Variants in PCDHA13 observed in about 807,000 individuals in gnomAD.
PCDHA13 encodes the protein protocadherin alpha 13.
Under a neutral mutation model 64.8 loss-of-function variants are expected in PCDHA13, and 54 were observed. The ratio of observed to expected loss-of-function variants is 0.83; its 90% CI spans 0.67 to 1.04. PCDHA13 has a LOEUF of 1.04. Ranked by LOEUF, PCDHA13 falls within the 50% of genes least tolerant of loss-of-function variation. The pLI is 0.00. For synonymous variants in PCDHA13, 587 were observed against 564.4 expected (o/e 1.04, Z -0.57); for missense variants, 1,248 against 1,254.3 (o/e 0.99, Z 0.08).
chr5:140,968,081 G>A, intron 1 of PCDHA13: 2 of 1,614,120 alleles, frequency 1.2e-6, no homozygotes, highest in Non-Finnish European at 1.7e-6. Context: ...CAACATCACG[G>A]TGACAGCCAC....
rs1398092888 is a variant in PCDHA13, at chr5:140,883,969, G to T, written c.1701G>T (p.Thr567=). ...ACGACAACGCTCCGGCGCTGCTGAC[G>T]CCCGGGGCTGGCAGCGCGGGAGGCA... The part of the protein sequence containing the change: ...DENDNAPALL[T]PGAGSAGGTV... Residue 567 remains threonine, a synonymous_variant, in exon 1 of 4, where the codon ACG becomes ACT. Transcript: ENST00000289272. The T allele has an allele frequency of 5.6e-6, 9 of 1,612,844 alleles. No homozygotes were observed. Among genetic ancestry groups the T allele is most frequent in the Non-Finnish European group, 7.6e-6 (9 of 1,179,698 alleles).
chr5:140,926,742 C>G (rs1454782151), intron 1 of PCDHA13: 2 of 1,199,338 alleles, frequency 1.7e-6, no homozygotes, highest in East Asian at 5.8e-5. Context: ...GGAGGCGCAA[C>G]GTCGGCGGTC....
At chr5:140,971,807 T>C in intron 1 of PCDHA13, among the ~76,000 whole-genome samples, 1 of 152,270 alleles carries the variant, frequency 6.6e-6, no homozygotes, top group Middle Eastern at 3.4e-3. Context: ...TATTATAATA[T>C]TGAATACATA....
chr5:140,952,582 G>A (rs552541968), intron 1 of PCDHA13, among the ~76,000 whole-genome samples: 4 of 152,220 alleles, frequency 2.6e-5, no homozygotes, highest in East Asian at 3.9e-4. Context: ...AATCATTCAA[G>A]TAGTCTCTAG....
chr5:140,934,001 T>A (rs2089559391), intron 1 of PCDHA13, among the ~76,000 whole-genome samples: 1 of 152,066 alleles, frequency 6.6e-6, no homozygotes, highest in Admixed American at 6.6e-5. Context: ...TCACCTCTCA[T>A]TTTTCTTGAC....
In PCDHA13 at chr5:140,883,978, T is replaced by G; in HGVS notation, c.1710T>G (p.Ala570=). The stretch of plus-strand genomic sequence containing the variant: ...CTCCGGCGCTGCTGACGCCCGGGGC[T>G]GGCAGCGCGGGAGGCACAGTGAGCG... ...DNAPALLTPG[A]GSAGGTVSEL... The change falls in exon 1 of 4, where the codon GCT becomes GCG. Residue 570 remains alanine (A), a synonymous_variant. Coordinates refer to ENST00000289272, the MANE Select transcript of PCDHA13 (RefSeq NM_018904.3). The G allele has an allele frequency of 6.2e-7, 1 of 1,612,780 alleles. No homozygotes were observed. The highest frequency in any genetic ancestry group is 8.5e-7 in the Non-Finnish European group (1 of 1,179,606).
At chr5:140,922,139 C>A (rs2080663133) in intron 1 of PCDHA13, among the ~76,000 whole-genome samples, 1 of 151,854 alleles carries the variant, frequency 6.6e-6, no homozygotes, top group Non-Finnish European at 1.5e-5. Flanking sequence ...TCTTATCCTC[C>A]ATGAAACTCA....
chr5:140,893,725 C>A (rs782492563), intron 1 of PCDHA13, among the ~76,000 whole-genome samples: 4 of 152,154 alleles, frequency 2.6e-5, no homozygotes, highest in Non-Finnish European at 5.9e-5. Context: ...GCTGAGAAAT[C>A]TGCTGTTAGT....
Position 140,927,704 on chromosome 5 carries a change from C to T in PCDHA13, c.2394+43042C>T, listed in dbSNP as rs782172290. ...GGGTCCAATGGGGAAGTCCAGTACT[C>T]CCTAAGCAACAGCACGCAAGCAGAG... On this transcript the variant is annotated intron_variant, in intron 1 of 3. Coordinates refer to ENST00000289272, the MANE Select transcript of PCDHA13 (RefSeq NM_018904.3). 6.2e-6 allele frequency: 10 copies of T among 1,614,072 alleles called. No homozygotes were observed. In the Admixed American group the frequency reaches 1.2e-4, roughly 19 times the overall value.
At chr5:140,995,577 A>G (rs892793952) in intron 3 of PCDHA13, among the ~76,000 whole-genome samples, 7 of 152,242 alleles carry the variant, frequency 4.6e-5, no homozygotes, top group Non-Finnish European at 1.0e-4. Flanking sequence ...AAGATGAGCT[A>G]TGAGCTTTTA....
At chr5:140,955,190 A>G (rs1269758289) in intron 1 of PCDHA13, among the ~76,000 whole-genome samples, 2 of 152,050 alleles carry the variant, frequency 1.3e-5, no homozygotes, top group Admixed American at 6.6e-5. Flanking sequence ...TGTGGTGTAT[A>G]TGAAGTCAAT....
intron 1 of PCDHA13, among the ~76,000 whole-genome samples, chr5:140,886,827 G>GAAAAA (rs782016620): frequency 6.6e-5 from 4 of 60,918 alleles, no homozygotes; most frequent in African/African-American, 6.0e-5. Flanking sequence ...ACTTCGTCTT[G>GAAAAA]AAAAAAAAAA....
chr5:140,969,403 G>C, intron 1 of PCDHA13: 1 of 1,579,282 alleles, frequency 6.3e-7, no homozygotes, highest in Non-Finnish European at 8.6e-7. Context: ...CCTGTGATTT[G>C]GCTTTATTGA....
chr5:140,988,418 G>T (rs1372180292), intron 3 of PCDHA13, among the ~76,000 whole-genome samples: 2 of 152,150 alleles, frequency 1.3e-5, no homozygotes, highest in Non-Finnish European at 2.9e-5. Context: ...CTTATGTAAA[G>T]AATTTGTTTG....
intron 1 of PCDHA13, among the ~76,000 whole-genome samples, chr5:140,897,646 C>T (rs1336141431): frequency 1.3e-5 from 2 of 152,128 alleles, no homozygotes; most frequent in African/African-American, 4.8e-5. Flanking sequence ...CCACAATAAA[C>T]ATACGTGTGC....
Position 140,985,739 on chromosome 5 carries a change from C to CTT in PCDHA13, c.2542+3195_2542+3196dup, listed in dbSNP as rs11372071. 6.5e-3 allele frequency among the ~76,000 whole-genome samples: 761 copies of CTT among 117,902 alleles called. 21 individuals carry two copies. The highest frequency in any genetic ancestry group is 0.054 in the East Asian group (218 of 4,012). The allele number at this position is 117,902 out of a possible 152,430, so 77.3% of individuals were successfully genotyped here. On this transcript the variant is annotated intron_variant, in intron 3 of 3. Transcript: ENST00000289272. ...TTATTTTTCCTTCACTGATGAATTC[C>CTT]TTTTTTTTTTTTTTTTTTTTGAGAC...
chr5:140,942,619 TA>T (rs35075175), intron 1 of PCDHA13, among the ~76,000 whole-genome samples: 84,954 of 148,808 alleles, frequency 0.57, 24,471 homozygotes, highest in African/African-American at 0.7. Context: ...TTGCCAATTG[TA>T]AAAAAAAAAA....
intron 1 of PCDHA13, among the ~76,000 whole-genome samples, chr5:140,951,382 G>A (rs246042): frequency 0.56 from 85,615 of 151,810 alleles, 24,753 homozygotes; most frequent in African/African-American, 0.69. Context: ...CCCAAGACTC[G>A]GTAATTTATA....
Position 140,884,514 on chromosome 5 carries a change from C to A in PCDHA13, c.2246C>A (p.Ser749Ter), listed in dbSNP as rs368331245. 8.1e-6 allele frequency: 13 copies of A among 1,614,176 alleles called. No homozygotes were observed. The highest frequency in any genetic ancestry group is 2.2e-5 in the East Asian group (1 of 44,874). ...TGCTCCAGCGCGGCAGGGAGTTGGT[C>A]GTACTCGCAGCAGAGGCGGCCGAGG... is the stretch of plus-strand genomic sequence containing the variant. ...LVCSSAAGSW[S>*]YSQQRRPRVC... The change falls in exon 1 of 4, where the codon TCG becomes TAG. Residue 749 changes from serine (S) to a stop codon, truncating the protein, a stop_gained. Coordinates refer to ENST00000289272, the MANE Select transcript of PCDHA13 (RefSeq NM_018904.3). LOFTEE classifies it high-confidence loss of function.
Sources: allele counts gnomAD v4.1 joint callset (sites outside exome capture counted in the v4.1 genomes callset), GRCh38; gene constraint gnomAD v4.1.1; transcripts MANE v1.5; gene names NCBI Gene and HGNC (gene_info 2026-07-23, HGNC 2026-07-21).